FAM185A: variants seen among roughly 807,000 people sequenced by gnomAD.
FAM185A encodes protein FAM185A.
FAM185A carries 21 observed loss-of-function variants against 45.7 expected under a neutral mutation model. The ratio of observed to expected loss-of-function variants is 0.46; its 90% CI spans 0.33 to 0.66. The LOEUF (loss-of-function observed/expected upper bound fraction) is 0.66. FAM185A is among the 30% of genes least tolerant of loss of function. The pLI is 0.03. For missense variants in FAM185A, 305 were observed against 485.4 expected (o/e 0.63, Z 3.49); for synonymous variants, 117 against 194.0 (o/e 0.60, Z 3.30).
the FAM185A span, among the ~76,000 whole-genome samples, chr7:102,837,558 A>T: frequency 6.6e-6 from 1 of 152,148 alleles, no homozygotes; most frequent in African/African-American, 2.4e-5. Context: ...AAATTCTTAT[A>T]AGCTTTTCTT....
chr7:102,825,397 AT>A, the FAM185A span, among the ~76,000 whole-genome samples: 1 of 152,200 alleles, frequency 6.6e-6, no homozygotes, highest in African/African-American at 2.4e-5. Flanking sequence ...TTGCCATGCG[AT>A]TCCCTGCGTT....
At chr7:102,775,210 T>C (rs1342411984) in intron 5 of FAM185A, among the ~76,000 whole-genome samples, 2 of 152,178 alleles carry the variant, frequency 1.3e-5, no homozygotes, top group African/African-American at 4.8e-5. Context: ...TTTACTCTCT[T>C]AGCAAATATC....
At chr7:102,810,228 A>G (rs1797354518), downstream of FAM185A, among the ~76,000 whole-genome samples, 1 of 152,132 alleles carries the variant, frequency 6.6e-6, no homozygotes, top group African/African-American at 2.4e-5. Flanking sequence ...AAGATAAGTC[A>G]GTTCTTTTTT....
chr7:102,814,519 T>C, the FAM185A span: 6 of 152,200 alleles, frequency 3.9e-5, no homozygotes, highest in Non-Finnish European at 7.3e-5. Context: ...AAATCAAACT[T>C]TAGATGTATT....
intron 6 of FAM185A, among the ~76,000 whole-genome samples, chr7:102,786,441 A>G (rs1022318729): frequency 1.3e-5 from 2 of 152,338 alleles, no homozygotes; most frequent in Admixed American, 6.5e-5. Context: ...AATGTCCAAC[A>G]ATGACAGACT....
At chr7:102,769,632 G>A (rs949448090) in intron 4 of FAM185A, among the ~76,000 whole-genome samples, 3 of 152,078 alleles carry the variant, frequency 2.0e-5, no homozygotes, top group Admixed American at 2.0e-4. Flanking sequence ...CAGTGTCTTA[G>A]TCTGTTTTCT....
At chr7:102,766,827 C>T (rs1336659603) in intron 4 of FAM185A, among the ~76,000 whole-genome samples, 4 of 152,006 alleles carry the variant, frequency 2.6e-5, no homozygotes, top group East Asian at 1.9e-4. Flanking sequence ...AGAAGTCTCA[C>T]TCTTGTCCCC....
chr7:102,834,089 A>AGGAAGGAAGGAAG, the FAM185A span, among the ~76,000 whole-genome samples: 36 of 68,400 alleles, frequency 5.3e-4, no homozygotes, highest in South Asian at 2.5e-3. Flanking sequence ...AGGAAAGAAA[A>AGGAAGGAAGGAAG]GAAAGAAAGA....
chr7:102,838,916 C>G, the FAM185A span, among the ~76,000 whole-genome samples: 2 of 152,134 alleles, frequency 1.3e-5, no homozygotes, highest in Admixed American at 6.5e-5. Context: ...GATGGTCCCC[C>G]AGCCCGACAC....
chr7:102,763,355 A>T (rs1300205751), intron 4 of FAM185A, among the ~76,000 whole-genome samples: 2 of 151,956 alleles, frequency 1.3e-5, no homozygotes, highest in Non-Finnish European at 2.9e-5. Context: ...GTTTAAATCT[A>T]GGTCCTCTTT....
intron 6 of FAM185A, among the ~76,000 whole-genome samples, chr7:102,782,501 T>C (rs1292151749): frequency 2.6e-5 from 4 of 152,188 alleles, no homozygotes; most frequent in Admixed American, 2.6e-4. Context: ...ATATTCAACG[T>C]TCTTAAAGAA....
intron 7 of FAM185A, among the ~76,000 whole-genome samples, chr7:102,794,469 T>C (rs548131764): frequency 1.3e-5 from 2 of 152,156 alleles, no homozygotes; most frequent in Non-Finnish European, 2.9e-5. Context: ...TACTACATAC[T>C]TACTAGAATG....
intron 7 of FAM185A, among the ~76,000 whole-genome samples, chr7:102,801,481 T>A (rs1237820527): frequency 6.6e-6 from 1 of 152,214 alleles, no homozygotes; most frequent in East Asian, 1.9e-4. Context: ...AACTATCTAC[T>A]GCTTGAAGAG....
chr7:102,826,890 C>A, the FAM185A span, among the ~76,000 whole-genome samples: 4 of 146,822 alleles, frequency 2.7e-5, no homozygotes, highest in Non-Finnish European at 6.0e-5. Flanking sequence ...AGGAAATTAT[C>A]TTCTTGCATA....
At chr7:102,778,364 A>G (rs1485274073) in intron 6 of FAM185A, among the ~76,000 whole-genome samples, 12 of 152,296 alleles carry the variant, frequency 7.9e-5, no homozygotes, top group Admixed American at 7.8e-4. Flanking sequence ...AATACTCTTC[A>G]GGGAAAATTA....
At chr7:102,835,754 C>T in the FAM185A span, among the ~76,000 whole-genome samples, 9 of 145,866 alleles carry the variant, frequency 6.2e-5, no homozygotes, top group Admixed American at 2.0e-4. Context: ...GGACTACAGG[C>T]GCCCGCCACT....
At chr7:102,778,063 A>G (rs1795177882) in intron 6 of FAM185A, among the ~76,000 whole-genome samples, 1 of 152,208 alleles carries the variant, frequency 6.6e-6, no homozygotes, top group Admixed American at 6.5e-5. Flanking sequence ...AGCTCTGTAT[A>G]AAAAAATTTT....
chr7:102,846,175 C>G, the FAM185A span, among the ~76,000 whole-genome samples: 3 of 152,148 alleles, frequency 2.0e-5, no homozygotes, highest in East Asian at 3.8e-4. Context: ...CTGCCTAACC[C>G]ACTAAACCTA....
chr7:102,758,343 C>T (rs1307469712), intron 3 of FAM185A, among the ~76,000 whole-genome samples: 1 of 149,206 alleles, frequency 6.7e-6, no homozygotes, highest in African/African-American at 2.5e-5. Flanking sequence ...CGCCCTTAGG[C>T]AAATTGAAGG....
Sources: gnomAD v4.1 joint callset for allele counts (sites outside exome capture counted in the v4.1 genomes callset) on GRCh38, gnomAD v4.1.1 for gene constraint, MANE v1.5 for transcripts, NCBI Gene and HGNC (gene_info 2026-07-23, HGNC 2026-07-21) for gene names.